Variants in OR5M8 observed in about 807,000 individuals in gnomAD.
OR5M8 encodes olfactory receptor 5M8.
For missense variants in OR5M8, 445 were observed against 379.3 expected (o/e 1.17, Z -1.44); for synonymous variants, 163 against 141.5 (o/e 1.15, Z -1.08).
At position 56,491,058 on chromosome 11, in the gene OR5M8, C is replaced by T. The variant is rs371130122; in HGVS notation, c.313G>A (p.Ala105Thr). 2.7e-5 allele frequency: 43 copies of T among 1,613,802 alleles called. No homozygotes were observed. The highest frequency in any genetic ancestry group is 1.6e-4 in the Middle Eastern group (1 of 6,080). The change falls in exon 1 of 1, where the codon GCC becomes ACC. Residue 105 changes from alanine to threonine, a missense_variant. By Grantham distance (58) the Ala-to-Thr change is moderately conservative. Transcript: ENST00000327216. ...ACLVQCYLFI[A>T]LVHVEIYILA... ...ATGTAGATCTCAACATGGACCAAGG[C>T]GATAAAAAGGTAACACTGCACAAGA...
Position 56,491,059 on chromosome 11 carries a change from G to C in OR5M8, c.312C>G (p.Ile104Met). The C allele has an allele frequency of 6.2e-7, 1 of 1,613,836 alleles. No individual in the cohort carries two copies. The highest frequency in any genetic ancestry group is 8.5e-7 in the Non-Finnish European group (1 of 1,179,936). The change falls in exon 1 of 1, where the codon ATC (isoleucine) becomes ATG (methionine). Residue 104 changes from isoleucine to methionine, a missense_variant. Physicochemically the swap from Ile to Met is conservative, Grantham distance 10. Coordinates refer to ENST00000327216, the MANE Select transcript of OR5M8 (RefSeq NM_001005282.1). ...TGTAGATCTCAACATGGACCAAGGCGATAAAAAGGTAACACTGCACAAGAC... is the reference window on the plus strand; with the variant it reads ...TGTAGATCTCAACATGGACCAAGGCCATAAAAAGGTAACACTGCACAAGAC... ...PACLVQCYLFIALVHVEIYIL... is the reference protein window; with the variant it reads ...PACLVQCYLFMALVHVEIYIL...
Position 56,491,295 on chromosome 11 carries a change from G to A in OR5M8, c.76C>T (p.Leu26Phe), listed in dbSNP as rs1238433033. 1 of 1,613,872 alleles carries A rather than the reference G, an allele frequency of 6.2e-7. No homozygotes were observed. Among genetic ancestry groups the A allele is most frequent in the Admixed American group, 1.7e-5 (1 of 60,014 alleles). ...TAAATGGCCAGAAACAGCGTGAAGA[G>A]GAGAATTTGTAATTCCCGGCGACTG... ...LTSRRELQIL[L>F]FTLFLAIYMV... The change falls in exon 1 of 1, where the codon CTC (leucine) becomes TTC (phenylalanine). Residue 26 changes from leucine to phenylalanine, a missense_variant. By Grantham distance (22) the Leu-to-Phe change is conservative. Transcript: ENST00000327216.
In OR5M8 at chr11:56,490,858, A is replaced by T. The variant is rs537315231; in HGVS notation, c.513T>A (p.Asn171Lys). The change falls in exon 1 of 1, where the codon AAT becomes AAA. Residue 171 changes from asparagine (N) to lysine (K), a missense_variant. Transcript: ENST00000327216. ...WTYNLAFCGP[N>K]EINHFYCADP... ...CCGCACAGTAGAAGTGATTAATTTC[A>T]TTGGGGCCACAGAAGGCTAGGTTGT... 6 of 1,614,064 alleles carry T rather than the reference A, an allele frequency of 3.7e-6. No individual in the cohort carries two copies. The highest frequency in any genetic ancestry group is 4.5e-5 in the East Asian group (2 of 44,880).
rs142957566 is a variant in OR5M8, at chr11:56,490,591, T to A, written c.780A>T (p.Arg260Ser). The change falls in exon 1 of 1, where the codon AGA becomes AGT. Residue 260 changes from arginine (R) to serine (S), a missense_variant. By Grantham distance (110) the Arg-to-Ser change is moderately radical. Transcript: ENST00000327216. ...GTTCAACAGATTCCTTTGAGGGGGG[T>A]CTGAGATACATGAAGAAAAGGGTTG... ...FYATLFFMYL[R>S]PPSKESVEQG... is the part of the protein sequence containing the mutation. 1.8e-4 allele frequency: 284 copies of A among 1,613,766 alleles called. 1 individual carries two copies. Among genetic ancestry groups the A allele is most frequent in the South Asian group, 1.5e-4 (14 of 91,040 alleles).
chr11:56,491,198 A>G lies in OR5M8; in HGVS notation c.173T>C (p.Met58Thr), dbSNP rs1423118549. 6.2e-7 allele frequency: 1 copy of G among 1,614,216 alleles called. No individual in the cohort carries two copies. Among genetic ancestry groups the G allele is most frequent in the East Asian group, 2.2e-5 (1 of 44,870 alleles). The change falls in exon 1 of 1, where the codon ATG becomes ACG. Residue 58 changes from methionine (M) to threonine (T), a missense_variant. Coordinates refer to ENST00000327216, the MANE Select transcript of OR5M8 (RefSeq NM_001005282.1). ...GGATAAGTGGCTCAGGAAAAAGTAC[A>G]TGGGCATGTGGAGCCAGGCGTTGGC... Reference protein sequence around the residue: ...IQANAWLHMPMYFFLSHLSFV... With the variant: ...IQANAWLHMPTYFFLSHLSFV...
Position 56,490,851 on chromosome 11 carries a change from T to A in OR5M8, c.520A>T (p.Asn174Tyr), listed in dbSNP as rs200601775. Reference sequence around the variant, plus strand: ...GGTGGGTCCGCACAGTAGAAGTGATTAATTTCATTGGGGCCACAGAAGGCT... The same window carrying A: ...GGTGGGTCCGCACAGTAGAAGTGATAAATTTCATTGGGGCCACAGAAGGCT... ...NLAFCGPNEINHFYCADPPLI... is the reference protein window; with the variant it reads ...NLAFCGPNEIYHFYCADPPLI... The change falls in exon 1 of 1, where the codon AAT (asparagine) becomes TAT (tyrosine). Residue 174 changes from asparagine (N) to tyrosine (Y), a missense_variant. Asn to Tyr is a moderately radical substitution (Grantham distance 143). Transcript: ENST00000327216. 1 of 1,614,060 alleles carries A rather than the reference T, an allele frequency of 6.2e-7. No individual in the cohort carries two copies. Among genetic ancestry groups the A allele is most frequent in the East Asian group, 2.2e-5 (1 of 44,872 alleles).
chr11:56,490,552 T>C lies in OR5M8; in HGVS notation c.819A>G (p.Val273=), dbSNP rs1350275906. ...SKESVEQGKM[V]AVFYTTVIPM... Reference sequence around the variant, plus strand: ...GGATTACTGTGGTATAAAATACAGCTACCATTTTACCCTGTTCAACAGATT... The same window carrying C: ...GGATTACTGTGGTATAAAATACAGCCACCATTTTACCCTGTTCAACAGATT... Residue 273 remains valine, a synonymous_variant, in exon 1 of 1, where the codon GTA becomes GTG. Coordinates refer to ENST00000327216, the MANE Select transcript of OR5M8 (RefSeq NM_001005282.1). 3 of 1,611,676 alleles carry C rather than the reference T, an allele frequency of 1.9e-6. No individual in the cohort carries two copies. The highest frequency in any genetic ancestry group is 2.7e-5 in the African/African-American group (2 of 74,878).
rs1181869383 is a variant in OR5M8, at chr11:56,491,197, C to T, written c.174G>A (p.Met58Ile). The change falls in exon 1 of 1, where the codon ATG (methionine) becomes ATA (isoleucine). Residue 58 changes from methionine to isoleucine, a missense_variant. Coordinates refer to ENST00000327216, the MANE Select transcript of OR5M8 (RefSeq NM_001005282.1). ...AGGATAAGTGGCTCAGGAAAAAGTA[C>T]ATGGGCATGTGGAGCCAGGCGTTGG... is the stretch of plus-strand genomic sequence containing the variant. ...IQANAWLHMP[M>I]YFFLSHLSFV... 1.2e-6 allele frequency: 2 copies of T among 1,614,062 alleles called. No homozygotes were observed. The highest frequency in any genetic ancestry group is 1.3e-5 in the African/African-American group (1 of 74,916).
Position 56,491,256 on chromosome 11 carries a change from C to T in OR5M8, c.115G>A (p.Ala39Thr), listed in dbSNP as rs751142071. Residue 39 changes from alanine (A) to threonine (T), a missense_variant, in exon 1 of 1, where the codon GCA becomes ACA. Transcript: ENST00000327216. ...LFLAIYMVTVAGNLGMIVLIQ... is the reference protein window; with the variant it reads ...LFLAIYMVTVTGNLGMIVLIQ... ...AGGACAATCATGCCAAGGTTCCCTG[C>T]CACCGTGACCATGTAAATGGCCAGA... is the stretch of plus-strand genomic sequence containing the variant. The T allele has an allele frequency of 1.2e-6, 2 of 1,614,110 alleles. No homozygotes were observed. The highest frequency in any genetic ancestry group is 1.7e-6 in the Non-Finnish European group (2 of 1,179,980).
Position 56,491,288 on chromosome 11 carries a change from G to T in OR5M8, c.83C>A (p.Thr28Lys), listed in dbSNP as rs141415644. The T allele has an allele frequency of 2.5e-6, 4 of 1,613,840 alleles. No individual in the cohort carries two copies. Among genetic ancestry groups the T allele is most frequent in the Non-Finnish European group, 3.4e-6 (4 of 1,179,922 alleles). Residue 28 changes from threonine to lysine, a missense_variant, in exon 1 of 1, where the codon ACG becomes AAG. Thr to Lys is a moderately conservative substitution (Grantham distance 78). Transcript: ENST00000327216. ...GACCATGTAAATGGCCAGAAACAGCGTGAAGAGGAGAATTTGTAATTCCCG... is the reference window on the plus strand; with the variant it reads ...GACCATGTAAATGGCCAGAAACAGCTTGAAGAGGAGAATTTGTAATTCCCG... ...SRRELQILLF[T>K]LFLAIYMVTV...
rs372843566 is a variant in OR5M8, at chr11:56,490,535, G to C, written c.836C>G (p.Thr279Arg). 62 of 1,605,744 alleles carry C rather than the reference G, an allele frequency of 3.9e-5. No individual in the cohort carries two copies. Among genetic ancestry groups the C allele is most frequent in the Non-Finnish European group, 5.3e-5 (62 of 1,172,602 alleles). Reference sequence around the variant, plus strand: ...TATAAGGTTCAGCATAGGGATTACTGTGGTATAAAATACAGCTACCATTTT... The same window carrying C: ...TATAAGGTTCAGCATAGGGATTACTCTGGTATAAAATACAGCTACCATTTT... ...QGKMVAVFYT[T>R]VIPMLNLIIY... The change falls in exon 1 of 1, where the codon ACA (threonine) becomes AGA (arginine). Residue 279 changes from threonine to arginine, a missense_variant. Physicochemically the swap from Thr to Arg is moderately conservative, Grantham distance 71. Transcript: ENST00000327216.
Position 56,490,546 on chromosome 11 carries a change from T to C in OR5M8, c.825A>G (p.Val275=). Residue 275 remains valine, a synonymous_variant, in exon 1 of 1, where the codon GTA becomes GTG. Transcript: ENST00000327216. ...ESVEQGKMVA[V]FYTTVIPMLN... ...GCATAGGGATTACTGTGGTATAAAA[T>C]ACAGCTACCATTTTACCCTGTTCAA... 1.2e-6 allele frequency: 2 copies of C among 1,611,606 alleles called. No individual in the cohort carries two copies. Among genetic ancestry groups the C allele is most frequent in the East Asian group, 4.5e-5 (2 of 44,856 alleles).
In OR5M8 at chr11:56,490,835, G is replaced by A. The variant is rs376477019; in HGVS notation, c.536C>T (p.Ala179Val). 153 of 1,614,052 alleles carry A rather than the reference G, an allele frequency of 9.5e-5. No individual in the cohort carries two copies. The highest frequency in any genetic ancestry group is 4.4e-4 in the African/African-American group (33 of 75,038). The change falls in exon 1 of 1, where the codon GCG becomes GTG. Residue 179 changes from alanine to valine, a missense_variant. Transcript: ENST00000327216. ...AGCCAGCTTAATCAGTGGTGGGTCCGCACAGTAGAAGTGATTAATTTCATT... is the reference window on the plus strand; with the variant it reads ...AGCCAGCTTAATCAGTGGTGGGTCCACACAGTAGAAGTGATTAATTTCATT... ...GPNEINHFYC[A>V]DPPLIKLACS...
Position 56,490,845 on chromosome 11 carries a change from A to G in OR5M8, c.526T>C (p.Phe176Leu). Residue 176 changes from phenylalanine to leucine, a missense_variant, in exon 1 of 1, where the codon TTC becomes CTC. Physicochemically the swap from Phe to Leu is conservative, Grantham distance 22 (BLOSUM62 0). Transcript: ENST00000327216. ...AFCGPNEINHFYCADPPLIKL... is the reference protein window; with the variant it reads ...AFCGPNEINHLYCADPPLIKL... Reference sequence around the variant, plus strand: ...ATCAGTGGTGGGTCCGCACAGTAGAAGTGATTAATTTCATTGGGGCCACAG... The same window carrying G: ...ATCAGTGGTGGGTCCGCACAGTAGAGGTGATTAATTTCATTGGGGCCACAG... 6.2e-7 allele frequency: 1 copy of G among 1,614,098 alleles called. No homozygotes were observed. Among genetic ancestry groups the G allele is most frequent in the Non-Finnish European group, 8.5e-7 (1 of 1,179,978 alleles).
In OR5M8 at chr11:56,490,826, G is replaced by A; in HGVS notation, c.545C>T (p.Pro182Leu). The A allele has an allele frequency of 6.2e-7, 1 of 1,614,142 alleles. No homozygotes were observed. The highest frequency in any genetic ancestry group is 1.1e-5 in the South Asian group (1 of 91,070). The change falls in exon 1 of 1, where the codon CCA becomes CTA. Residue 182 changes from proline (P) to leucine (L), a missense_variant. Physicochemically the swap from Pro to Leu is moderately conservative, Grantham distance 98. Transcript: ENST00000327216. ...EINHFYCADPPLIKLACSDTY... is the reference protein window; with the variant it reads ...EINHFYCADPLLIKLACSDTY... ...GTCAGAACAAGCCAGCTTAATCAGT[G>A]GTGGGTCCGCACAGTAGAAGTGATT...
chr11:56,490,881 T>A lies in OR5M8; in HGVS notation c.490A>T (p.Asn164Tyr). 1 of 1,613,926 alleles carries A rather than the reference T, an allele frequency of 6.2e-7. No individual in the cohort carries two copies. Among genetic ancestry groups the A allele is most frequent in the Non-Finnish European group, 8.5e-7 (1 of 1,179,886 alleles). Residue 164 changes from asparagine (N) to tyrosine (Y), a missense_variant, in exon 1 of 1, where the codon AAC becomes TAC. By Grantham distance (143) the Asn-to-Tyr change is moderately radical. Coordinates refer to ENST00000327216, the MANE Select transcript of OR5M8 (RefSeq NM_001005282.1). ...TGLMETMWTY[N>Y]LAFCGPNEIN... is the part of the protein sequence containing the mutation. ...TCATTGGGGCCACAGAAGGCTAGGT[T>A]GTAGGTCCACATGGTCTCCATCAGG... is the stretch of plus-strand genomic sequence containing the variant.
chr11:56,490,443 A>C lies in OR5M8; in HGVS notation c.928T>G (p.Phe310Val), dbSNP rs2134853352. Residue 310 changes from phenylalanine to valine, a missense_variant, in exon 1 of 1, where the codon TTT (phenylalanine) becomes GTT (valine). Phe to Val is a conservative substitution (Grantham distance 50). Coordinates refer to ENST00000327216, the MANE Select transcript of OR5M8 (RefSeq NM_001005282.1). The part of the protein sequence containing the change: ...LIKELSMKIY[F>V]S ...CAAAAGAATACTGATTTTTAAGAAA[A>C]GTATATCTTCATTGACAGCTCTTTG... 6.6e-7 allele frequency: 1 copy of C among 1,507,246 alleles called. No homozygotes were observed. Among genetic ancestry groups the C allele is most frequent in the South Asian group, 1.2e-5 (1 of 84,756 alleles). 93.4% of individuals were successfully genotyped at this position (1,507,246 alleles called of 1,614,324 possible). A position where few individuals can be genotyped will look rare whatever the true frequency, so the allele number is the denominator to read the frequency against.
rs201389871 is a variant in OR5M8 at position 56,490,916 on chromosome 11, G to A, written c.455C>T (p.Ala152Val). 1.0e-4 allele frequency: 166 copies of A among 1,613,836 alleles called. No individual in the cohort carries two copies. The highest frequency in any genetic ancestry group is 1.7e-4 in the Middle Eastern group (1 of 6,056). Reference protein sequence around the residue: ...FLITVPYVYGALTGLMETMWT... With the variant: ...FLITVPYVYGVLTGLMETMWT... ...CATGGTCTCCATCAGGCCAGTGAGC[G>A]CTCCATACACATAAGGCACCGTGAT... The change falls in exon 1 of 1, where the codon GCG (alanine) becomes GTG (valine). Residue 152 changes from alanine to valine, a missense_variant. By Grantham distance (64) the Ala-to-Val change is moderately conservative. Transcript: ENST00000327216.
rs1424023861 is a variant in OR5M8, at chr11:56,490,789, C to T, written c.582G>A (p.Lys194=). The T allele has an allele frequency of 1.2e-6, 2 of 1,614,002 alleles. No homozygotes were observed. The highest frequency in any genetic ancestry group is 1.3e-5 in the African/African-American group (1 of 74,916). Residue 194 remains lysine (K), a synonymous_variant, in exon 1 of 1, where the codon AAG becomes AAA. Transcript: ENST00000327216. ...CAGCCACAATAAACATTGACAACTC[C>T]TTGTTGTAGGTGTCAGAACAAGCCA... is the stretch of plus-strand genomic sequence containing the variant. ...IKLACSDTYN[K]ELSMFIVAGW...
Sources: allele counts gnomAD v4.1 joint callset, GRCh38; gene constraint gnomAD v4.1.1; transcripts MANE v1.5; gene names NCBI Gene and HGNC (gene_info 2026-07-23, HGNC 2026-07-21).